Variants in LCLAT1 observed in about 807,000 individuals in gnomAD.
The protein encoded by LCLAT1 is 1-AGP acyltransferase 8.
LCLAT1 carries 11 observed loss-of-function variants against 30.7 expected under a neutral mutation model. The ratio of observed to expected loss-of-function variants is 0.36; its 90% CI spans 0.23 to 0.59. The LOEUF (loss-of-function observed/expected upper bound fraction) is 0.59. Among genes scored for constraint, LCLAT1 ranks in the 20% least tolerant of loss-of-function variants. LCLAT1 has a pLI of 0.77. For missense variants in LCLAT1, 402 were observed against 458.6 expected (o/e 0.88, Z 1.13); for synonymous variants, 155 against 151.3 (o/e 1.02, Z -0.18).
intron 1 of LCLAT1, among the ~76,000 whole-genome samples, chr2:30,506,302 T>C (rs1684657350): frequency 6.6e-6 from 1 of 152,138 alleles, no homozygotes; most frequent in African/African-American, 2.4e-5. Flanking sequence ...TTTTGATGAT[T>C]TGTTTATTAA....
intron 5 of LCLAT1, among the ~76,000 whole-genome samples, chr2:30,582,271 G>A (rs529039509): frequency 6.9e-6 from 1 of 144,948 alleles, no homozygotes; most frequent in South Asian, 2.2e-4. Context: ...ATATATTAAT[G>A]AATGTAACAG....
At chr2:30,592,501 A>G (rs1666741591) in intron 5 of LCLAT1, among the ~76,000 whole-genome samples, 1 of 152,148 alleles carries the variant, frequency 6.6e-6, no homozygotes, top group Non-Finnish European at 1.5e-5. Context: ...AAAGAGATAT[A>G]TTAATGTATA....
rs879883797 is a variant in LCLAT1, at chr2:30,644,050, TAGAAG to T, written c.*3436_*3440del. The stretch of plus-strand genomic sequence containing the variant: ...CTGTACCTGCATTAAATTTTCATTT[TAGAAG>T]AGAATCTTGGTTTTGGTAATTCATT... On this transcript the variant is annotated 3_prime_UTR_variant, in exon 6 of 6. Coordinates refer to ENST00000379509, the MANE Select transcript of LCLAT1 (RefSeq NM_001002257.3). 6.6e-6 allele frequency: 1 copy of T among 152,222 alleles called. No individual in the cohort carries two copies. The highest frequency in any genetic ancestry group is 1.5e-5 in the Non-Finnish European group (1 of 68,044). The allele number at this position is 152,222 out of a possible 1,614,324, so 9.4% of individuals were successfully genotyped here. A position where few individuals can be genotyped will look rare whatever the true frequency, so the allele number is the denominator to read the frequency against.
At position 30,642,434 on chromosome 2, in the gene LCLAT1, T is replaced by C. The variant is rs1242412396; in HGVS notation, c.*1815T>C. On this transcript the variant is annotated 3_prime_UTR_variant, in exon 6 of 6. Coordinates refer to ENST00000379509, the MANE Select transcript of LCLAT1 (RefSeq NM_001002257.3). The stretch of plus-strand genomic sequence containing the variant: ...TTTTTTTTTTTAAAAAAGCACCTTT[T>C]TTTGTTGTTTCCCCTTAATAAAAGA... 6.6e-6 allele frequency: 1 copy of C among 151,894 alleles called. No individual in the cohort carries two copies. Among genetic ancestry groups the C allele is most frequent in the East Asian group, 1.9e-4 (1 of 5,196 alleles). The allele number at this position is 151,894 out of a possible 1,614,324, so 9.4% of individuals were successfully genotyped here.
At chr2:30,478,712 T>TAGGC (rs1202389181) in intron 1 of LCLAT1, among the ~76,000 whole-genome samples, 1 of 152,140 alleles carries the variant, frequency 6.6e-6, no homozygotes, top group East Asian at 1.9e-4. Context: ...GGTAGGTAGG[T>TAGGC]AGATACATAA....
chr2:30,553,291 C>G (rs979375972), intron 3 of LCLAT1, among the ~76,000 whole-genome samples: 4 of 152,130 alleles, frequency 2.6e-5, no homozygotes, highest in African/African-American at 9.7e-5. Flanking sequence ...TAAGTCAAAA[C>G]TAGGTTCTAA....
At chr2:30,519,570 C>G (rs1685371973) in intron 1 of LCLAT1, among the ~76,000 whole-genome samples, 1 of 152,196 alleles carries the variant, frequency 6.6e-6, no homozygotes, top group Non-Finnish European at 1.5e-5. Context: ...GGAAGGTGAC[C>G]TCACCCACCT....
At chr2:30,459,480 C>T in intron 1 of LCLAT1, 1 of 705,778 alleles carries the variant, frequency 1.4e-6, no homozygotes, top group Non-Finnish European at 2.6e-6. Flanking sequence ...CTCCATGAAC[C>T]ATCTGATGAG....
intron 5 of LCLAT1, among the ~76,000 whole-genome samples, chr2:30,571,089 A>G (rs1025797921): frequency 2.6e-5 from 4 of 152,210 alleles, no homozygotes; most frequent in African/African-American, 7.2e-5. Flanking sequence ...TAGGTTTGAA[A>G]TACTTGTTTT....
At chr2:30,498,762 G>T (rs1249205217) in intron 1 of LCLAT1, among the ~76,000 whole-genome samples, 1 of 152,174 alleles carries the variant, frequency 6.6e-6, no homozygotes, top group Admixed American at 6.5e-5. Flanking sequence ...TGTTTGTAAA[G>T]TTCTTTATAC....
intron 5 of LCLAT1, among the ~76,000 whole-genome samples, chr2:30,600,839 G>A (rs1382046199): frequency 6.6e-6 from 1 of 152,112 alleles, no homozygotes; most frequent in Non-Finnish European, 1.5e-5. Flanking sequence ...CGTCTTCCTA[G>A]GTCAGGGAAG....
intron 2 of LCLAT1, among the ~76,000 whole-genome samples, chr2:30,528,250 T>C (rs1685818933): frequency 6.6e-6 from 1 of 152,202 alleles, no homozygotes; most frequent in Admixed American, 6.5e-5. Flanking sequence ...ATGTGCACAG[T>C]TAAAATTCTT....
intron 3 of LCLAT1, among the ~76,000 whole-genome samples, chr2:30,552,962 G>T (rs1664748580): frequency 6.6e-6 from 1 of 152,150 alleles, no homozygotes; most frequent in African/African-American, 2.4e-5. Flanking sequence ...CGAAGGAGCA[G>T]TTGTCTGTCT....
chr2:30,452,729 G>A (rs1304278938), intron 1 of LCLAT1, among the ~76,000 whole-genome samples: 1 of 152,104 alleles, frequency 6.6e-6, no homozygotes. Context: ...ATTGCTATTG[G>A]CTAATGAGGA....
intron 5 of LCLAT1, among the ~76,000 whole-genome samples, chr2:30,596,513 TTTA>T (rs1666936191): frequency 2.0e-5 from 3 of 151,964 alleles, no homozygotes; most frequent in African/African-American, 7.3e-5. Context: ...TGTAAATTTG[TTTA>T]AGTTTCTTGT....
intron 1 of LCLAT1, among the ~76,000 whole-genome samples, chr2:30,447,790 C>T (rs1229902811): frequency 6.6e-6 from 1 of 152,234 alleles, no homozygotes; most frequent in Non-Finnish European, 1.5e-5. Context: ...AGGTCTGACC[C>T]TGTTAAATCC....
chr2:30,538,350 C>T (rs752984585), intron 3 of LCLAT1, among the ~76,000 whole-genome samples: 39 of 152,078 alleles, frequency 2.6e-4, no homozygotes, highest in Admixed American at 3.9e-4. Context: ...CAAAGAGAGA[C>T]GATGAAAAAG....
intron 3 of LCLAT1, among the ~76,000 whole-genome samples, chr2:30,544,003 A>G (rs182242997): frequency 7.2e-5 from 11 of 152,302 alleles, no homozygotes; most frequent in African/African-American, 2.6e-4. Context: ...TTGATCTAAT[A>G]CCATGTTCCT....
Position 30,641,690 on chromosome 2 carries a change from A to G in LCLAT1, c.*1071A>G, listed in dbSNP as rs1202455381. ...AATGAAACACAAAAATTAATCCTTAATAATGATAGCAAGTGATCTTTCTTT... is the reference window on the plus strand; with the variant it reads ...AATGAAACACAAAAATTAATCCTTAGTAATGATAGCAAGTGATCTTTCTTT... On this transcript the variant is annotated 3_prime_UTR_variant, in exon 6 of 6. Transcript: ENST00000379509. 6.6e-6 allele frequency: 1 copy of G among 151,900 alleles called. No homozygotes were observed. Among genetic ancestry groups the G allele is most frequent in the African/African-American group, 2.4e-5 (1 of 41,376 alleles). The allele number at this position is 151,900 out of a possible 1,614,324, so 9.4% of individuals were successfully genotyped here.
Sources: gnomAD v4.1 joint callset for allele counts (sites outside exome capture counted in the v4.1 genomes callset) on GRCh38, gnomAD v4.1.1 for gene constraint, MANE v1.5 for transcripts, NCBI Gene and HGNC (gene_info 2026-07-23, HGNC 2026-07-21) for gene names.